Variants in TMEM131 observed in about 807,000 individuals in gnomAD.
TMEM131 encodes the protein transmembrane protein 131, also known as 2610524E03Rik.
In TMEM131, 66 loss-of-function variants were observed where a neutral mutation model predicts 211.6. That is an observed-to-expected ratio of 0.31 (90% confidence interval 0.26 to 0.38). The LOEUF (loss-of-function observed/expected upper bound fraction) is 0.38, where lower values mean the gene tolerates loss of function less well. Ranked by LOEUF, TMEM131 falls within the 10% of genes least tolerant of loss-of-function variation. The pLI is 1.00. For missense variants in TMEM131, 2,036 were observed against 2,299.3 expected (o/e 0.89, Z 2.34); for synonymous variants, 844 against 841.3 (o/e 1.00, Z -0.06).
Position 97,757,003 on chromosome 2 carries a change from G to C in TMEM131, c.*96C>G. ...TTTGCAAAGAAGAGGAGGGTGGGGA[G>C]GGGAGCTGCAGTAAGAGCCTTAAAA... On this transcript the variant is annotated 3_prime_UTR_variant, in exon 41 of 41. Coordinates refer to ENST00000186436, the MANE Select transcript of TMEM131 (RefSeq NM_015348.2). The C allele has an allele frequency of 1.4e-6, 2 of 1,407,956 alleles. No homozygotes were observed. Among genetic ancestry groups the C allele is most frequent in the South Asian group, 3.1e-5 (2 of 65,566 alleles). 87.2% of individuals were successfully genotyped at this position (1,407,956 alleles called of 1,614,324 possible).
At chr2:97,844,487 C>T (rs1472711971) in intron 5 of TMEM131, among the ~76,000 whole-genome samples, 6 of 152,156 alleles carry the variant, frequency 3.9e-5, no homozygotes, top group Non-Finnish European at 2.9e-5. Flanking sequence ...CAGATGGTTT[C>T]CTGGATTCTG....
At chr2:97,886,535 G>GT (rs1217730738) in intron 4 of TMEM131, among the ~76,000 whole-genome samples, 1 of 152,030 alleles carries the variant, frequency 6.6e-6, no homozygotes, top group East Asian at 1.9e-4. Context: ...TTCCTCAGCT[G>GT]TCAGTCACAC....
At chr2:97,861,620 T>C (rs1573473122) in intron 4 of TMEM131, among the ~76,000 whole-genome samples, 1 of 150,130 alleles carries the variant, frequency 6.7e-6, no homozygotes, top group Non-Finnish European at 1.5e-5. Context: ...GGCCATGGGG[T>C]AGGGATCTTC....
At chr2:97,885,579 TTGAG>T (rs200036033) in intron 4 of TMEM131, among the ~76,000 whole-genome samples, 1,811 of 152,148 alleles carry the variant, frequency 0.012, 38 homozygotes, top group African/African-American at 0.041. Flanking sequence ...CACCCCCACT[TTGAG>T]TATTTTTAAT....
intron 22 of TMEM131, among the ~76,000 whole-genome samples, chr2:97,803,234 C>A (rs1681117191): frequency 1.3e-5 from 2 of 152,170 alleles, no homozygotes; most frequent in South Asian, 4.1e-4. Flanking sequence ...CATCTACAAG[C>A]AGGGTGCTAA....
intron 1 of TMEM131, among the ~76,000 whole-genome samples, chr2:97,930,426 A>G (rs1559455262): frequency 6.6e-6 from 1 of 151,870 alleles, no homozygotes; most frequent in African/African-American, 2.4e-5. Flanking sequence ...ATTATGAATT[A>G]TGAATTCATA....
At chr2:97,936,491 C>A (rs1469747727) in intron 1 of TMEM131, among the ~76,000 whole-genome samples, 1 of 152,144 alleles carries the variant, frequency 6.6e-6, no homozygotes. Flanking sequence ...CACATATGTA[C>A]GCAAATACAC....
intron 11 of TMEM131, among the ~76,000 whole-genome samples, chr2:97,828,346 G>GA (rs76262676): frequency 6.7e-4 from 98 of 145,552 alleles, no homozygotes; most frequent in South Asian, 1.9e-3. Flanking sequence ...TCTCAATTAT[G>GA]AAAAAAAAAA....
chr2:97,921,409 G>C (rs912218532), intron 2 of TMEM131, among the ~76,000 whole-genome samples: 6 of 152,154 alleles, frequency 3.9e-5, no homozygotes, highest in Admixed American at 1.3e-4. Context: ...TAGAATACGG[G>C]AGAATATCTT....
intron 1 of TMEM131, among the ~76,000 whole-genome samples, chr2:97,987,514 A>G (rs1680079643): frequency 6.6e-6 from 1 of 152,090 alleles, no homozygotes; most frequent in Admixed American, 6.5e-5. Context: ...AAAAACAAAA[A>G]AACAAAAACA....
intron 3 of TMEM131, among the ~76,000 whole-genome samples, chr2:97,890,688 T>A (rs1675341699): frequency 1.3e-5 from 2 of 152,240 alleles, no homozygotes; most frequent in Non-Finnish European, 1.5e-5. Flanking sequence ...CTAGATTCTC[T>A]CATGATTTTC....
intron 1 of TMEM131, 29 bp downstream of exon 1, chr2:97,995,447 C>T: frequency 7.4e-7 from 1 of 1,349,154 alleles, no homozygotes; most frequent in Non-Finnish European, 9.5e-7. Context: ...GACAGCCCCG[C>T]CGCAGGGACG....
intron 2 of TMEM131, among the ~76,000 whole-genome samples, chr2:97,916,191 T>A (rs368207874): frequency 6.6e-6 from 1 of 152,202 alleles, no homozygotes; most frequent in African/African-American, 2.4e-5. Flanking sequence ...ACTGGGATTA[T>A]AGGCGTGGGC....
intron 1 of TMEM131, among the ~76,000 whole-genome samples, chr2:97,951,127 CAT>C (rs1293423669): frequency 6.6e-6 from 1 of 151,618 alleles, no homozygotes; most frequent in African/African-American, 2.4e-5. Context: ...CACAACCAGA[CAT>C]ATTGTAACAG....
intron 2 of TMEM131, among the ~76,000 whole-genome samples, chr2:97,921,909 G>A (rs1397434046): frequency 1.3e-5 from 2 of 152,154 alleles, no homozygotes; most frequent in African/African-American, 2.4e-5. Flanking sequence ...ACTTTACAAA[G>A]TTGTTGCAGA....
In TMEM131 at chr2:97,941,505, A is replaced by G. The variant is rs551856361; in HGVS notation, c.188-14018T>C. ...TAATTAAATGAAAGAGCTTCTGCACAGCAAAAGAAACTACCATCAGAGTGA... is the reference window on the plus strand; with the variant it reads ...TAATTAAATGAAAGAGCTTCTGCACGGCAAAAGAAACTACCATCAGAGTGA... On this transcript the variant is annotated intron_variant, in intron 1 of 40. Transcript: ENST00000186436. Among the ~76,000 whole-genome samples the G allele has an allele frequency of 5.3e-5, 8 of 152,366 alleles. No individual in the cohort carries two copies. The South Asian group carries it at 1.7e-3, about 32-fold the overall frequency.
At chr2:97,764,722 G>A (rs1573321486) in intron 35 of TMEM131, 1 of 152,528 alleles carries the variant, frequency 6.6e-6, no homozygotes, top group Non-Finnish European at 1.5e-5. Context: ...TTCCTGCCCC[G>A]AGGAGTGGCA....
intron 31 of TMEM131, among the ~76,000 whole-genome samples, chr2:97,790,639 T>C (rs185777348): frequency 2.6e-3 from 400 of 152,386 alleles, no homozygotes; most frequent in Non-Finnish European, 3.9e-3. Flanking sequence ...TGCCCAACTC[T>C]TTCTTTGTGA....
chr2:97,889,713 G>A (rs927091329), intron 3 of TMEM131, among the ~76,000 whole-genome samples: 1 of 151,950 alleles, frequency 6.6e-6, no homozygotes, highest in Non-Finnish European at 1.5e-5. Context: ...AGGCTGTTCT[G>A]CAAATTACAA....
Sources: allele counts gnomAD v4.1 joint callset (sites outside exome capture counted in the v4.1 genomes callset), GRCh38; gene constraint gnomAD v4.1.1; transcripts MANE v1.5; gene names NCBI Gene and HGNC (gene_info 2026-07-23, HGNC 2026-07-21).